Variants in SENP7 observed in about 807,000 individuals in gnomAD.
The protein encoded by SENP7 is SUMO specific peptidase 7, also known as sentrin-specific protease 7.
Under a neutral mutation model 141.2 loss-of-function variants are expected in SENP7, and 64 were observed. That is an observed-to-expected ratio of 0.45 (90% confidence interval 0.37 to 0.56). SENP7 has a LOEUF of 0.56. Among genes scored for constraint, SENP7 ranks in the 20% least tolerant of loss-of-function variants. The pLI is 0.00. For missense variants in SENP7, 1,025 were observed against 1,212.2 expected, an observed-to-expected ratio of 0.85 and a Z score of 2.29; for synonymous variants, 382 against 426.4, an observed-to-expected ratio of 0.90 and a Z score of 1.28.
intron 16 of SENP7, among the ~76,000 whole-genome samples, chr3:101,338,429 A>G (rs1454825129): frequency 2.6e-5 from 4 of 152,210 alleles, no homozygotes; most frequent in African/African-American, 9.6e-5. Context: ...GTACTAAAAC[A>G]ATCCTTCCAT....
In SENP7 at chr3:101,398,977, C is replaced by T. The variant is rs2107579691; in HGVS notation, c.561G>A (p.Glu187=). 1 of 1,613,832 alleles carries T rather than the reference C, an allele frequency of 6.2e-7. No individual in the cohort carries two copies. Among genetic ancestry groups the T allele is most frequent in the Non-Finnish European group, 8.5e-7 (1 of 1,179,798 alleles). Residue 187 remains glutamate (E), a synonymous_variant, in exon 6 of 24, where the codon GAG becomes GAA. Coordinates refer to ENST00000394095, the MANE Select transcript of SENP7 (RefSeq NM_020654.5). ...RKYIRTPPVT[E]GSLSDTDNLQ... is the part of the protein sequence containing the mutation. ...AGTTGTCTGTATCACTCAAACTTCC[C>T]TCAGTTACAGGTGGGGTCCTTATGT...
intron 12 of SENP7, among the ~76,000 whole-genome samples, chr3:101,349,381 T>C (rs2059555367): frequency 6.6e-6 from 1 of 152,200 alleles, no homozygotes; most frequent in East Asian, 1.9e-4. Context: ...AATCTAATTG[T>C]TCTTGGTGTT....
In SENP7 at chr3:101,417,735, T is replaced by G; in HGVS notation, c.340A>C (p.Arg114=). 1 of 1,614,018 alleles carries G rather than the reference T, an allele frequency of 6.2e-7. No individual in the cohort carries two copies. Among genetic ancestry groups the G allele is most frequent in the Non-Finnish European group, 8.5e-7 (1 of 1,179,878 alleles). ...GCATCGTTTCTAGGTAGGGTCTTTCTGAATTTTCGTCCTAAATCCGTCCAT... is the reference window on the plus strand; with the variant it reads ...GCATCGTTTCTAGGTAGGGTCTTTCGGAATTTTCGTCCTAAATCCGTCCAT... ...VLWTDLGRKF[R]KTLPRNDANL... Residue 114 remains arginine (R), a synonymous_variant, in exon 5 of 24, where the codon AGA becomes CGA. Transcript: ENST00000394095.
At chr3:101,457,153 TA>T in intron 4 of SENP7, 1 of 919,384 alleles carries the variant, frequency 1.1e-6, no homozygotes, top group Admixed American at 1.9e-5. Context: ...ATCAGATCCA[TA>T]AACAAAAATT....
intron 1 of SENP7, among the ~76,000 whole-genome samples, chr3:101,502,669 C>T (rs952495038): frequency 6.6e-5 from 10 of 151,526 alleles, no homozygotes; most frequent in Non-Finnish European, 1.5e-4. Flanking sequence ...AATCCCAACA[C>T]TTTGGAAGGC....
At chr3:101,426,750 G>A (rs1223165819) in intron 4 of SENP7, among the ~76,000 whole-genome samples, 1 of 152,138 alleles carries the variant, frequency 6.6e-6, no homozygotes, top group African/African-American at 2.4e-5. Context: ...CCAAAGTGCT[G>A]GGATTACAGG....
intron 3 of SENP7, among the ~76,000 whole-genome samples, chr3:101,464,451 A>C (rs2063693978): frequency 6.6e-6 from 1 of 152,090 alleles, no homozygotes. Flanking sequence ...CCTGAGCTCC[A>C]CCACCTGTCA....
intron 4 of SENP7, among the ~76,000 whole-genome samples, chr3:101,436,108 G>C (rs569983733): frequency 6.6e-6 from 1 of 152,152 alleles, no homozygotes; most frequent in Non-Finnish European, 1.5e-5. Context: ...AGAGAACCCA[G>C]AAACAAACCC....
chr3:101,430,782 T>C (rs1236350276), intron 4 of SENP7, among the ~76,000 whole-genome samples: 1 of 152,182 alleles, frequency 6.6e-6, no homozygotes, highest in Non-Finnish European at 1.5e-5. Context: ...TGTTAGGGTG[T>C]CGATTTTAGA....
chr3:101,438,467 G>A (rs1390214151), intron 4 of SENP7, among the ~76,000 whole-genome samples: 1 of 152,158 alleles, frequency 6.6e-6, no homozygotes, highest in African/African-American at 2.4e-5. Flanking sequence ...AGTTTTACAA[G>A]ATGGAAAGTA....
chr3:101,423,730 G>A (rs1353643716), intron 4 of SENP7, among the ~76,000 whole-genome samples: 1 of 152,140 alleles, frequency 6.6e-6, no homozygotes, highest in African/African-American at 2.4e-5. Flanking sequence ...AGGGAGGAAG[G>A]TGGGAACCTT....
chr3:101,486,543 G>A (rs2064737236), intron 3 of SENP7, among the ~76,000 whole-genome samples: 1 of 152,256 alleles, frequency 6.6e-6, no homozygotes, highest in South Asian at 2.1e-4. Flanking sequence ...GTTGTTTTCA[G>A]ACAAGCAAAC....
chr3:101,452,681 G>T (rs1390713056), intron 4 of SENP7, among the ~76,000 whole-genome samples: 3 of 152,120 alleles, frequency 2.0e-5, no homozygotes, highest in Non-Finnish European at 4.4e-5. Context: ...GCTGAAACTG[G>T]ATCCCTTCCT....
chr3:101,350,679 C>T (rs959359424), intron 12 of SENP7, among the ~76,000 whole-genome samples: 4 of 152,004 alleles, frequency 2.6e-5, no homozygotes, highest in Non-Finnish European at 5.9e-5. Context: ...ATTTGAGAGG[C>T]AGCTCTGTTA....
At chr3:101,452,203 T>G (rs1472752101) in intron 4 of SENP7, among the ~76,000 whole-genome samples, 7 of 151,966 alleles carry the variant, frequency 4.6e-5, no homozygotes, top group East Asian at 1.9e-4. Flanking sequence ...CACTGCTCAA[T>G]GAAATAAAAG....
intron 3 of SENP7, among the ~76,000 whole-genome samples, chr3:101,492,508 A>G (rs981721668): frequency 5.3e-5 from 8 of 152,212 alleles, no homozygotes; most frequent in Non-Finnish European, 1.0e-4. Context: ...CCCAAAATTC[A>G]TATGTTGAAG....
At chr3:101,435,795 T>G (rs2062365726) in intron 4 of SENP7, among the ~76,000 whole-genome samples, 1 of 151,976 alleles carries the variant, frequency 6.6e-6, no homozygotes, top group Admixed American at 6.6e-5. Flanking sequence ...AATAGAAAAT[T>G]ACTCCATGTT....
At chr3:101,468,986 C>T (rs961555038) in intron 3 of SENP7, among the ~76,000 whole-genome samples, 6 of 152,008 alleles carry the variant, frequency 3.9e-5, no homozygotes, top group South Asian at 4.1e-4. Flanking sequence ...CATGCAAAGA[C>T]GCACTTAGGC....
intron 3 of SENP7, among the ~76,000 whole-genome samples, chr3:101,464,348 T>A (rs187934830): frequency 1.7e-3 from 264 of 152,218 alleles, no homozygotes; most frequent in Middle Eastern, 6.8e-3. Context: ...CATGGCCTGT[T>A]AGGAACCAGG....
Sources: allele counts gnomAD v4.1 joint callset (sites outside exome capture counted in the v4.1 genomes callset), GRCh38; gene constraint gnomAD v4.1.1; transcripts MANE v1.5; gene names NCBI Gene and HGNC (gene_info 2026-07-23, HGNC 2026-07-21).